TJP2: variants seen among roughly 807,000 people sequenced by gnomAD.
The protein encoded by TJP2 is Friedreich ataxia region gene X104 (tight junction protein ZO-2).
In TJP2, 91 loss-of-function variants were observed where a neutral mutation model predicts 133.1. The observed-to-expected ratio is 0.68, with a 90% CI of 0.58 to 0.81. The LOEUF (loss-of-function observed/expected upper bound fraction) is 0.81. Among genes scored for constraint, TJP2 ranks in the 40% least tolerant of loss-of-function variants. The pLI, the probability that TJP2 is intolerant of heterozygous loss-of-function variation, is 0.00. For synonymous variants in TJP2, 592 were observed against 583.4 expected (o/e 1.01, Z -0.21); for missense variants, 1,541 against 1,565.6 (o/e 0.98, Z 0.26).
At chr9:69,187,010 A>G (rs904520896) in intron 1 of TJP2, among the ~76,000 whole-genome samples, 11 of 152,160 alleles carry the variant, frequency 7.2e-5, no homozygotes, top group African/African-American at 2.4e-4. Flanking sequence ...TAAAAATAAA[A>G]TTAGTTCAGG....
upstream of TJP2, among the ~76,000 whole-genome samples, chr9:69,170,173 A>C (rs1824599880): frequency 6.6e-6 from 1 of 152,166 alleles, no homozygotes; most frequent in African/African-American, 2.4e-5. Context: ...GAGACCTTAT[A>C]TATTGTAATA....
At chr9:69,199,708 T>G (rs1826849902) in intron 1 of TJP2, among the ~76,000 whole-genome samples, 1 of 152,232 alleles carries the variant, frequency 6.6e-6, no homozygotes, top group Non-Finnish European at 1.5e-5. Flanking sequence ...TTGTCTTTCC[T>G]TCCTTTCTTT....
Position 69,237,951 on chromosome 9 carries a change from A to C in TJP2, c.2253A>C (p.Leu751Phe), listed in dbSNP as rs746695264. 1.2e-6 allele frequency: 2 copies of C among 1,613,200 alleles called. No individual in the cohort carries two copies. The highest frequency in any genetic ancestry group is 4.5e-5 in the East Asian group (2 of 44,856). ...DIAMEKLANE[L>F]PDWFQTAKTE... ...CAATGGAAAAATTGGCTAATGAGTT[A>C]CCTGACTGGTTTCAAACTGCTAGTA... The change falls in exon 15 of 23, where the codon TTA becomes TTC. Residue 751 changes from leucine (L) to phenylalanine (F), a missense_variant. Physicochemically the swap from Leu to Phe is conservative, Grantham distance 22. Coordinates refer to ENST00000377245, the MANE Select transcript of TJP2 (RefSeq NM_004817.4).
At chr9:69,230,907 A>G (rs893895962) in intron 11 of TJP2, among the ~76,000 whole-genome samples, 1 of 152,210 alleles carries the variant, frequency 6.6e-6, no homozygotes, top group African/African-American at 2.4e-5. Flanking sequence ...TTGTCCAAGA[A>G]AGGGAATTCC....
chr9:69,125,329 T>A (rs7037143), intron 1 of TJP2, among the ~76,000 whole-genome samples: 2 of 48,150 alleles, frequency 4.2e-5, no homozygotes, highest in African/African-American at 7.0e-5. Flanking sequence ...TTTTTTGAGA[T>A]AGAGTCTAAC....
intron 1 of TJP2, among the ~76,000 whole-genome samples, chr9:69,179,661 G>T (rs990766448): frequency 2.0e-5 from 3 of 151,830 alleles, no homozygotes; most frequent in African/African-American, 7.3e-5. Context: ...CACCACGCCC[G>T]GCTAATTTTT....
intron 1 of TJP2, among the ~76,000 whole-genome samples, chr9:69,183,754 T>C (rs905994496): frequency 2.0e-5 from 3 of 152,204 alleles, no homozygotes; most frequent in African/African-American, 7.2e-5. Context: ...AAATATTTTT[T>C]GAGACAGTCT....
rs1563966673 is a variant in TJP2, at chr9:69,254,245, AC to A, written c.3446del (p.Pro1149LeufsTer59). Reference sequence around the variant, plus strand: ...CTGAGCCACAGAAAGCTCCTTCCAGACCTTATCAGGATACCAGAGGAAGTTA... The same window carrying A: ...CTGAGCCACAGAAAGCTCCTTCCAGACTTATCAGGATACCAGAGGAAGTTA... ...PPEPQKAPSRPYQDTRGSYGS... is the reference protein window; with the variant it reads ...PPEPQKAPSRXYQDTRGSYGS... On this transcript the variant is annotated frameshift_variant, in exon 23 of 23. Coordinates refer to ENST00000377245, the MANE Select transcript of TJP2 (RefSeq NM_004817.4). LOFTEE classifies it high-confidence loss of function. 6.2e-7 allele frequency: 1 copy of A among 1,614,200 alleles called. No individual in the cohort carries two copies. The highest frequency in any genetic ancestry group is 8.5e-7 in the Non-Finnish European group (1 of 1,180,038).
At chr9:69,185,155 G>A (rs1208276574) in intron 1 of TJP2, among the ~76,000 whole-genome samples, 3 of 150,076 alleles carry the variant, frequency 2.0e-5, no homozygotes, top group Non-Finnish European at 3.0e-5. Context: ...TCTGCCTCCC[G>A]GATTCAAGCA....
intron 2 of TJP2, among the ~76,000 whole-genome samples, chr9:69,169,136 G>C (rs1392359707): frequency 6.6e-6 from 1 of 152,118 alleles, no homozygotes; most frequent in Non-Finnish European, 1.5e-5. Flanking sequence ...CTCTGTAGTT[G>C]AGCAATTCTC....
chr9:69,147,365 C>T (rs766411744), intron 1 of TJP2, among the ~76,000 whole-genome samples: 18 of 152,122 alleles, frequency 1.2e-4, no homozygotes, highest in Non-Finnish European at 2.5e-4. Context: ...AAAGGAATAT[C>T]GCAACTGATT....
chr9:69,248,557 T>C, intron 19 of TJP2: 1 of 1,226,082 alleles, frequency 8.2e-7, no homozygotes, highest in Non-Finnish European at 1.0e-6. Flanking sequence ...TATGTACTTG[T>C]AACCTTTGAT....
intron 2 of TJP2, among the ~76,000 whole-genome samples, chr9:69,165,513 C>T (rs922764184): frequency 6.6e-6 from 1 of 152,068 alleles, no homozygotes; most frequent in African/African-American, 2.4e-5. Flanking sequence ...ACGTATAAAG[C>T]AGGGGCAAGA....
chr9:69,204,915 G>A, intron 1 of TJP2: 1 of 1,244,318 alleles, frequency 8.0e-7, no homozygotes, highest in African/African-American at 1.5e-5. Context: ...AAGGGAGAGA[G>A]AGGGAGAGAA....
At chr9:69,148,451 T>G (rs1823316283) in intron 1 of TJP2, among the ~76,000 whole-genome samples, 4 of 150,638 alleles carry the variant, frequency 2.7e-5, no homozygotes, top group Admixed American at 1.3e-4. Context: ...CTTGGCTCAC[T>G]GTAATCTCTG....
chr9:69,221,139 C>A lies in TJP2; in HGVS notation c.595C>A (p.Arg199=), dbSNP rs780657308. 1 of 1,591,916 alleles carries A rather than the reference C, an allele frequency of 6.3e-7. No individual in the cohort carries two copies. Among genetic ancestry groups the A allele is most frequent in the Non-Finnish European group, 8.5e-7 (1 of 1,169,698 alleles). ...CCTCAGCCGGGACCGGAGCCGTGGC[C>A]GGAGCCTGGAGCGGGGCCTGGACCA... The part of the protein sequence containing the change: ...RDLSRDRSRG[R]SLERGLDQDH... The change falls in exon 5 of 23, where the codon CGG becomes AGG. Residue 199 remains arginine (R), a synonymous_variant. Transcript: ENST00000377245.
chr9:69,139,926 T>C (rs73647088), intron 1 of TJP2, among the ~76,000 whole-genome samples: 2,883 of 152,270 alleles, frequency 0.019, 98 homozygotes, highest in African/African-American at 0.065. Flanking sequence ...CTGTGGTCAC[T>C]GGGCAGGCTT....
chr9:69,197,467 A>T (rs1826669123), intron 1 of TJP2, among the ~76,000 whole-genome samples: 2 of 152,028 alleles, frequency 1.3e-5, no homozygotes, highest in South Asian at 4.1e-4. Flanking sequence ...GTACACATGT[A>T]TTTTCAATTT....
chr9:69,216,614 GC>G, intron 3 of TJP2, 151 bp downstream of exon 3: 1 of 885,680 alleles, frequency 1.1e-6, no homozygotes, highest in Non-Finnish European at 1.7e-6. Flanking sequence ...TGGAATGGAA[GC>G]CATAACACAC....
Sources: gnomAD v4.1 joint callset for allele counts (sites outside exome capture counted in the v4.1 genomes callset) on GRCh38, gnomAD v4.1.1 for gene constraint, MANE v1.5 for transcripts, NCBI Gene and HGNC (gene_info 2026-07-23, HGNC 2026-07-21) for gene names.